The following ST7 variants were observed in gnomAD, a reference collection of about 807,000 sequenced individuals.
The protein encoded by ST7 is suppressor of tumorigenicity 7 protein.
A neutral mutation model predicts 78.7 loss-of-function variants in ST7; 28 were observed. The ratio of observed to expected loss-of-function variants is 0.36; its 90% CI spans 0.26 to 0.49. The LOEUF (loss-of-function observed/expected upper bound fraction) is 0.49. ST7 is among the 20% of genes least tolerant of loss of function. The pLI is 0.99. For synonymous variants in ST7, 247 were observed against 249.6 expected (o/e 0.99, Z 0.10); for missense variants, 418 against 696.0 (o/e 0.60, Z 4.49).
chr7:116,992,248 A>C (rs944643044), intron 1 of ST7, among the ~76,000 whole-genome samples: 3 of 152,070 alleles, frequency 2.0e-5, no homozygotes, highest in Admixed American at 6.5e-5. Flanking sequence ...CTGACCCTTC[A>C]TTTCCCTTCT....
At chr7:117,193,582 T>C (rs193101874) in intron 12 of ST7, among the ~76,000 whole-genome samples, 3 of 152,244 alleles carry the variant, frequency 2.0e-5, no homozygotes, top group Non-Finnish European at 4.4e-5. Flanking sequence ...TGTTGCCCTC[T>C]ACTGCCTACC....
intron 9 of ST7, among the ~76,000 whole-genome samples, chr7:117,142,770 C>A (rs1805431727): frequency 6.6e-6 from 1 of 152,156 alleles, no homozygotes; most frequent in Non-Finnish European, 1.5e-5. Context: ...TGCCACCACA[C>A]CCAGCTGATT....
chr7:117,080,111 G>T lies in ST7; in HGVS notation c.152-19651G>T, dbSNP rs1322241402. 4.0e-5 allele frequency among the ~76,000 whole-genome samples: 6 copies of T among 149,350 alleles called. No homozygotes were observed. The East Asian group carries it at 1.2e-3, about 30-fold the overall frequency. On this transcript the variant is annotated intron_variant, in intron 1 of 15. Coordinates refer to ENST00000323984, the MANE Select transcript of ST7 (RefSeq NM_001369598.1). ...TTCTCCTGCCTCAGCCTCCCAAGTA[G>T]CTGGGACTACAGGCGCCCGCCACTA...
intron 2 of ST7, among the ~76,000 whole-genome samples, chr7:117,107,162 C>G (rs1443132850): frequency 2.0e-5 from 3 of 151,870 alleles, no homozygotes. Context: ...TTTCTTTATC[C>G]ACTTATTGAT....
At chr7:117,100,412 T>C (rs1801481719) in intron 2 of ST7, among the ~76,000 whole-genome samples, 1 of 152,040 alleles carries the variant, frequency 6.6e-6, no homozygotes, top group Non-Finnish European at 1.5e-5. Context: ...GAGGCAGAGG[T>C]TGCAGTAGCC....
chr7:117,172,900 T>C lies in ST7; in HGVS notation c.1078+1924T>C, dbSNP rs112710374. On this transcript the variant is annotated intron_variant, in intron 10 of 15. Coordinates refer to ENST00000323984, the MANE Select transcript of ST7 (RefSeq NM_001369598.1). ...CTCCTTTCATGAAGATCTCCATTTG[T>C]TACAGAAATCATCAGCCTCGTGTTA... 1.8e-3 allele frequency among the ~76,000 whole-genome samples: 275 copies of C among 152,334 alleles called. 1 individual carries two copies. Among genetic ancestry groups the C allele is most frequent in the African/African-American group, 4.3e-3 (178 of 41,586 alleles).
chr7:116,984,463 G>C (rs1170865958), intron 1 of ST7, among the ~76,000 whole-genome samples: 1 of 152,076 alleles, frequency 6.6e-6, no homozygotes, highest in Admixed American at 6.6e-5. Flanking sequence ...GGTCGGTTAC[G>C]TGTGCCCTAA....
intron 8 of ST7, chr7:117,137,118 G>A (rs1804854117): frequency 6.6e-6 from 1 of 152,096 alleles, no homozygotes; most frequent in Admixed American, 6.6e-5. Flanking sequence ...TTAGAGAGTA[G>A]GGATGTATCT....
intron 10 of ST7, among the ~76,000 whole-genome samples, chr7:117,172,609 G>A (rs1484712804): frequency 6.6e-6 from 1 of 152,180 alleles, no homozygotes. Context: ...TCATGGTTCA[G>A]CTAAACAGTG....
chr7:117,061,432 G>A (rs1798347292), intron 1 of ST7, among the ~76,000 whole-genome samples: 1 of 152,172 alleles, frequency 6.6e-6, no homozygotes, highest in Non-Finnish European at 1.5e-5. Flanking sequence ...GGGTAGGGGA[G>A]GGGTAGTAGG....
chr7:117,215,176 T>G (rs1338159305), intron 13 of ST7, among the ~76,000 whole-genome samples: 1 of 152,116 alleles, frequency 6.6e-6, no homozygotes. Context: ...GCCACACAAT[T>G]AGGTAGTGAC....
chr7:117,009,094 A>G (rs748992548), intron 1 of ST7, among the ~76,000 whole-genome samples: 9 of 152,092 alleles, frequency 5.9e-5, no homozygotes, highest in Admixed American at 1.3e-4. Flanking sequence ...ACTGTTTACT[A>G]TTTGGCCCTT....
At chr7:116,987,138 T>TAAGAAGA (rs1316854666) in intron 1 of ST7, among the ~76,000 whole-genome samples, 1 of 152,206 alleles carries the variant, frequency 6.6e-6, no homozygotes, top group Non-Finnish European at 1.5e-5. Context: ...GCAGACAAAG[T>TAAGAAGA]AAGAAGATGT....
intron 1 of ST7, among the ~76,000 whole-genome samples, chr7:117,021,515 G>A (rs1320940103): frequency 6.6e-6 from 1 of 152,190 alleles, no homozygotes; most frequent in Non-Finnish European, 1.5e-5. Context: ...ATCTTTGCTA[G>A]GGAGAAGGGG....
chr7:117,072,832 C>CT (rs1799062674), intron 1 of ST7: 1 of 152,196 alleles, frequency 6.6e-6, no homozygotes, highest in African/African-American at 2.4e-5. Context: ...GAGAAAGTGA[C>CT]GCAGTCACTT....
At chr7:117,002,151 C>A (rs1359428174) in intron 1 of ST7, among the ~76,000 whole-genome samples, 1 of 152,126 alleles carries the variant, frequency 6.6e-6, no homozygotes, top group Non-Finnish European at 1.5e-5. Context: ...TTGCTTGAAC[C>A]TGGGATGTGG....
chr7:117,100,351 T>C (rs1212532885), intron 2 of ST7, among the ~76,000 whole-genome samples: 1 of 152,066 alleles, frequency 6.6e-6, no homozygotes, highest in Admixed American at 6.6e-5. Context: ...GGCACATACC[T>C]GTAGTCCCAG....
At chr7:117,122,376 C>T (rs1803464739) in intron 3 of ST7, among the ~76,000 whole-genome samples, 1 of 152,112 alleles carries the variant, frequency 6.6e-6, no homozygotes, top group African/African-American at 2.4e-5. Context: ...TAGTTAGACA[C>T]AAGGTTCTGC....
At chr7:117,128,671 G>C (rs1334052439) in intron 3 of ST7, among the ~76,000 whole-genome samples, 1 of 151,742 alleles carries the variant, frequency 6.6e-6, no homozygotes, top group Admixed American at 6.6e-5. Context: ...TTCCCAGAGT[G>C]CTTTGTGTTC....
Sources: allele counts gnomAD v4.1 joint callset (sites outside exome capture counted in the v4.1 genomes callset), GRCh38; gene constraint gnomAD v4.1.1; transcripts MANE v1.5; gene names NCBI Gene and HGNC (gene_info 2026-07-23, HGNC 2026-07-21).